The following SLC35F4 variants were observed in gnomAD, a reference collection of about 807,000 sequenced individuals.
SLC35F4 encodes chromosome 14 open reading frame 36.
SLC35F4 carries 24 observed loss-of-function variants against 44.2 expected under a neutral mutation model. That is an observed-to-expected ratio of 0.54 (90% CI 0.39 to 0.76). The LOEUF (loss-of-function observed/expected upper bound fraction) is 0.76, where lower values mean the gene tolerates loss of function less well. Among genes scored for constraint, SLC35F4 ranks in the 30% least tolerant of loss-of-function variants. The pLI is 0.00. For missense variants in SLC35F4, 562 were observed against 586.1 expected (o/e 0.96, Z 0.42); for synonymous variants, 238 against 223.6 (o/e 1.06, Z -0.57).
At chr14:57,608,655 A>G (rs2071304422) in intron 1 of SLC35F4, among the ~76,000 whole-genome samples, 1 of 152,166 alleles carries the variant, frequency 6.6e-6, no homozygotes, top group Non-Finnish European at 1.5e-5. Flanking sequence ...AAACTCATAC[A>G]GGAGGGGATG....
chr14:57,582,688 A>AGGCAT (rs1812719315), intron 3 of SLC35F4, among the ~76,000 whole-genome samples: 1 of 152,220 alleles, frequency 6.6e-6, no homozygotes, highest in Admixed American at 6.5e-5. Context: ...GTCATGCTCC[A>AGGCAT]GGCATTGTAT....
At chr14:57,866,328 TA>T (rs1039090462), upstream of SLC35F4, among the ~76,000 whole-genome samples, 22 of 152,098 alleles carry the variant, frequency 1.4e-4, no homozygotes, top group African/African-American at 5.3e-4. Context: ...TCATAGCTGT[TA>T]ATGCGAGGCA....
intron 1 of SLC35F4, among the ~76,000 whole-genome samples, chr14:57,916,793 G>A (rs1451604440): frequency 1.3e-5 from 2 of 152,102 alleles, no homozygotes; most frequent in Non-Finnish European, 2.9e-5. Flanking sequence ...TAACAAACCT[G>A]CACATGTACC....
At chr14:57,680,179 T>C (rs189183654) in intron 1 of SLC35F4, among the ~76,000 whole-genome samples, 1 of 152,196 alleles carries the variant, frequency 6.6e-6, no homozygotes, top group East Asian at 1.9e-4. Context: ...TCCACCACGA[T>C]CAAGTCAGCG....
chr14:57,669,128 G>C (rs2074421294), intron 1 of SLC35F4, among the ~76,000 whole-genome samples: 1 of 152,054 alleles, frequency 6.6e-6, no homozygotes, highest in South Asian at 2.1e-4. Flanking sequence ...TTGGCTCTCT[G>C]TTTGTCTGTT....
At chr14:57,887,976 T>G (rs1170097361) in intron 1 of SLC35F4, among the ~76,000 whole-genome samples, 1 of 152,172 alleles carries the variant, frequency 6.6e-6, no homozygotes, top group Non-Finnish European at 1.5e-5. Flanking sequence ...CTCATGGACA[T>G]GCTGATGGTG....
chr14:57,802,092 T>C (rs897807019), intron 1 of SLC35F4, among the ~76,000 whole-genome samples: 2 of 152,162 alleles, frequency 1.3e-5, no homozygotes, highest in African/African-American at 4.8e-5. Context: ...AAAACACTCC[T>C]CAGCAAATGC....
intron 1 of SLC35F4, among the ~76,000 whole-genome samples, chr14:57,649,217 C>T (rs574194912): frequency 3.7e-4 from 56 of 152,292 alleles, no homozygotes; most frequent in African/African-American, 1.3e-3. Context: ...CTATTAGTTT[C>T]CTCTTGCGGC....
At chr14:57,647,910 C>G (rs79603175) in intron 1 of SLC35F4, among the ~76,000 whole-genome samples, 2 of 152,020 alleles carry the variant, frequency 1.3e-5, no homozygotes, top group African/African-American at 2.4e-5. Flanking sequence ...TACCCTGATC[C>G]TTCCTCTTAT....
At chr14:57,709,936 C>T (rs2881613) in intron 1 of SLC35F4, among the ~76,000 whole-genome samples, 43,750 of 152,082 alleles carry the variant, frequency 0.29, 7,615 homozygotes, top group Non-Finnish European at 0.39. Context: ...GCAATAGAAA[C>T]GAAAAACCCA....
chr14:57,626,373 C>A (rs1594628968), intron 1 of SLC35F4, among the ~76,000 whole-genome samples: 3 of 142,726 alleles, frequency 2.1e-5, no homozygotes, highest in Admixed American at 7.2e-5. Context: ...TGTAAAATGG[C>A]AAAAAAAAAA....
chr14:57,723,518 AG>A (rs1159095761), intron 1 of SLC35F4, among the ~76,000 whole-genome samples: 3 of 152,232 alleles, frequency 2.0e-5, no homozygotes, highest in Non-Finnish European at 4.4e-5. Flanking sequence ...GGGTTATCGT[AG>A]GCTTAACCAA....
chr14:57,688,941 A>G (rs1355323652), intron 1 of SLC35F4, among the ~76,000 whole-genome samples: 2 of 152,180 alleles, frequency 1.3e-5, no homozygotes, highest in African/African-American at 4.8e-5. Context: ...AGTACTAGAG[A>G]AAATAACCAT....
At chr14:57,635,128 C>G (rs2072961877) in intron 1 of SLC35F4, among the ~76,000 whole-genome samples, 1 of 151,768 alleles carries the variant, frequency 6.6e-6, no homozygotes, top group South Asian at 2.1e-4. Flanking sequence ...CACCTATAGT[C>G]CTAGCTACTT....
At chr14:57,707,141 G>A (rs1199999856) in intron 1 of SLC35F4, among the ~76,000 whole-genome samples, 2 of 152,190 alleles carry the variant, frequency 1.3e-5, no homozygotes, top group African/African-American at 4.8e-5. Flanking sequence ...AGGAGAAGGT[G>A]TAGTTTTGAT....
Position 57,572,024 on chromosome 14 carries a change from C to A in SLC35F4, c.808-5G>T. 1 of 1,606,946 alleles carries A rather than the reference C, an allele frequency of 6.2e-7. No homozygotes were observed. The highest frequency in any genetic ancestry group is 1.1e-5 in the South Asian group (1 of 89,606). On this transcript the variant is annotated splice_region_variant and splice_polypyrimidine_tract_variant and intron_variant, in intron 4 of 7. Transcript: ENST00000556826. ...TGCCATTATTGCAGCAACTATCTGT[C>A]AAATAGGATGCAAAGAAACAGAAAA...
In SLC35F4 at chr14:57,895,451, G is replaced by T. The variant is rs559380172; in HGVS notation, n.282+86462C>A. 5.3e-5 allele frequency among the ~76,000 whole-genome samples: 8 copies of T among 152,142 alleles called. No individual in the cohort carries two copies. The South Asian group carries it at 1.5e-3, about 28-fold the overall frequency. On this transcript the variant is annotated intron_variant and non_coding_transcript_variant, in intron 1 of 1. Coordinates refer to the SLC35F4 transcript ENST00000556568. ...AAATCTCATGCTAAATTGAAGGAGG[G>T]GCCTGGTCGGATGTGATCAGATCAC...
intron 1 of SLC35F4, among the ~76,000 whole-genome samples, chr14:57,863,596 A>G (rs915762911): frequency 6.6e-6 from 1 of 152,156 alleles, no homozygotes; most frequent in African/African-American, 2.4e-5. Flanking sequence ...AGCCAAATCA[A>G]TTGACCATAT....
intron 1 of SLC35F4, among the ~76,000 whole-genome samples, chr14:57,692,497 G>C (rs1317351331): frequency 6.6e-6 from 1 of 152,136 alleles, no homozygotes; most frequent in African/African-American, 2.4e-5. Context: ...ATTGATTTTA[G>C]TTCACCACTT....
Sources: gnomAD v4.1 joint callset for allele counts (sites outside exome capture counted in the v4.1 genomes callset) on GRCh38, gnomAD v4.1.1 for gene constraint, MANE v1.5 for transcripts, NCBI Gene and HGNC (gene_info 2026-07-23, HGNC 2026-07-21) for gene names.